Variants in SRGAP2 observed in about 807,000 individuals in gnomAD.
The protein encoded by SRGAP2 is SLIT-ROBO Rho GTPase activating protein 2.
SRGAP2 carries 15 observed loss-of-function variants against 57.2 expected under a neutral mutation model. The ratio of observed to expected loss-of-function variants is 0.26; its 90% confidence interval spans 0.18 to 0.40. The LOEUF (loss-of-function observed/expected upper bound fraction) is 0.40. Ranked by LOEUF, SRGAP2 falls within the 10% of genes least tolerant of loss-of-function variation. The pLI is 1.00. For synonymous variants in SRGAP2, 249 were observed against 248.0 expected (o/e 1.00, Z -0.04); for missense variants, 520 against 669.6 (o/e 0.78, Z 2.47).
chr1:206,417,749 T>G (rs1659866915), intron 11 of SRGAP2, among the ~76,000 whole-genome samples: 1 of 152,086 alleles, frequency 6.6e-6, no homozygotes, highest in Non-Finnish European at 1.5e-5. Flanking sequence ...ACATTTTCTT[T>G]TATGTGAAGA....
In SRGAP2 at chr1:206,374,301, C is replaced by T. The variant is rs371219504; in HGVS notation, c.424-9713C>T. On this transcript the variant is annotated intron_variant, in intron 4 of 22. Coordinates refer to ENST00000573034, the MANE Select transcript of SRGAP2 (RefSeq NM_015326.5). The stretch of plus-strand genomic sequence containing the variant: ...AAAGTGCTGGGATTACAGGCGTGAG[C>T]CACCGCGCCCGGCCAGATACACATT... Among the ~76,000 whole-genome samples, 40 of 150,794 alleles carry T rather than the reference C, an allele frequency of 2.7e-4. No homozygotes were observed. The East Asian group carries it at 5.3e-3, about 20-fold the overall frequency.
chr1:206,333,225 A>G, intron 3 of SRGAP2: 2 of 659,710 alleles, frequency 3.0e-6, no homozygotes, highest in South Asian at 1.6e-5. Flanking sequence ...TCAGATGGAA[A>G]TGCAGAAATC....
intron 2 of SRGAP2, among the ~76,000 whole-genome samples, chr1:206,262,303 GTT>G (rs200379361): frequency 7.0e-6 from 1 of 143,106 alleles, no homozygotes; most frequent in Non-Finnish European, 1.5e-5. Flanking sequence ...CAGTGTTTTT[GTT>G]TTTTTTTTTT....
At chr1:206,230,299 A>G (rs1667549331) in intron 2 of SRGAP2, among the ~76,000 whole-genome samples, 1 of 147,546 alleles carries the variant, frequency 6.8e-6, no homozygotes, top group Admixed American at 6.8e-5. Flanking sequence ...AATGCTAATA[A>G]TTAATTACGG....
At chr1:206,253,041 AT>A (rs1668933733) in intron 2 of SRGAP2, among the ~76,000 whole-genome samples, 1 of 143,976 alleles carries the variant, frequency 6.9e-6, no homozygotes, top group Non-Finnish European at 1.5e-5. Flanking sequence ...GTGTGTCAGG[AT>A]GCGGGTTTTC....
chr1:206,355,833 G>T (rs1676388985), intron 4 of SRGAP2, among the ~76,000 whole-genome samples: 1 of 152,112 alleles, frequency 6.6e-6, no homozygotes. Context: ...CAGGCATCGT[G>T]GTGTATTCCT....
chr1:206,324,898 C>T (rs1475394486), intron 3 of SRGAP2, among the ~76,000 whole-genome samples: 2 of 151,180 alleles, frequency 1.3e-5, no homozygotes, highest in African/African-American at 4.9e-5. Context: ...TATTGGGTGC[C>T]CACTGTGAAC....
chr1:206,322,163 AT>A (rs1305343137), intron 3 of SRGAP2, among the ~76,000 whole-genome samples: 2 of 150,942 alleles, frequency 1.3e-5, no homozygotes, highest in African/African-American at 4.9e-5. Flanking sequence ...CACATGTTTT[AT>A]TTAATTTTCT....
intron 4 of SRGAP2, among the ~76,000 whole-genome samples, chr1:206,345,839 G>A (rs1553336706): frequency 6.7e-6 from 1 of 149,312 alleles, no homozygotes. Context: ...TCCAGCCTGG[G>A]CAACAGAGAG....
At chr1:206,319,053 G>A (rs1558303727) in intron 3 of SRGAP2, among the ~76,000 whole-genome samples, 2 of 152,204 alleles carry the variant, frequency 1.3e-5, no homozygotes, top group East Asian at 3.9e-4. Flanking sequence ...TATTGTTATG[G>A]GCTTTGTCTT....
chr1:206,290,310 TA>T (rs1411080635), intron 2 of SRGAP2, among the ~76,000 whole-genome samples: 1 of 152,142 alleles, frequency 6.6e-6, no homozygotes, highest in Non-Finnish European at 1.5e-5. Flanking sequence ...ATCGAAAAGT[TA>T]AAGGATCAAA....
chr1:206,414,335 C>G (rs1659489381), intron 10 of SRGAP2, among the ~76,000 whole-genome samples: 1 of 152,192 alleles, frequency 6.6e-6, no homozygotes, highest in South Asian at 2.1e-4. Flanking sequence ...CTGCACCTGG[C>G]TCTGTTCACC....
chr1:206,462,968 C>CT lies in SRGAP2; in HGVS notation c.*1549dup, dbSNP rs1664354914. ...TAAAGCTGAAACTCATCCTTCTTCT[C>CT]TGTGTTTTCTGGTTTAAAAGCTGCA... On this transcript the variant is annotated 3_prime_UTR_variant, in exon 23 of 23. Coordinates refer to ENST00000573034, the MANE Select transcript of SRGAP2 (RefSeq NM_015326.5). 6.6e-6 allele frequency: 1 copy of CT among 152,174 alleles called. No individual in the cohort carries two copies. Among genetic ancestry groups the CT allele is most frequent in the South Asian group, 2.1e-4 (1 of 4,834 alleles). 9.4% of individuals were successfully genotyped at this position (152,174 alleles called of 1,614,324 possible).
chr1:206,443,884 A>C (rs561510983), intron 17 of SRGAP2, among the ~76,000 whole-genome samples: 1 of 152,284 alleles, frequency 6.6e-6, no homozygotes, highest in South Asian at 2.1e-4. Flanking sequence ...TGTGTCCCCT[A>C]AATAGTTAAG....
intron 4 of SRGAP2, among the ~76,000 whole-genome samples, chr1:206,369,841 A>G (rs1271772575): frequency 6.6e-6 from 1 of 152,154 alleles, no homozygotes; most frequent in Non-Finnish European, 1.5e-5. Context: ...TGGAAAACTG[A>G]AAATTCCTCC....
At chr1:206,337,072 C>T (rs1446036413) in intron 3 of SRGAP2, among the ~76,000 whole-genome samples, 1 of 143,344 alleles carries the variant, frequency 7.0e-6, no homozygotes, top group East Asian at 1.9e-4. Context: ...TGCAGATTGG[C>T]GGGTTTGATA....
At chr1:206,448,944 G>A (rs1012522861) in intron 18 of SRGAP2, among the ~76,000 whole-genome samples, 12 of 152,182 alleles carry the variant, frequency 7.9e-5, no homozygotes, top group African/African-American at 2.9e-4. Context: ...TACACAGGAT[G>A]AGTTCTGAAC....
chr1:206,377,481 ATT>A (rs782108315), intron 4 of SRGAP2, among the ~76,000 whole-genome samples: 9 of 98,968 alleles, frequency 9.1e-5, no homozygotes, highest in Non-Finnish European at 1.2e-4. Flanking sequence ...TTGAAATCAG[ATT>A]TTTTTTTTTT....
chr1:206,447,682 C>A (rs61817176), intron 18 of SRGAP2, among the ~76,000 whole-genome samples: 90,603 of 151,966 alleles, frequency 0.6, 28,582 homozygotes, highest in African/African-American at 0.81. Flanking sequence ...CCCTTGCATG[C>A]GTGGTGAAAA....
Sources: gnomAD v4.1 joint callset for allele counts (sites outside exome capture counted in the v4.1 genomes callset) on GRCh38, gnomAD v4.1.1 for gene constraint, MANE v1.5 for transcripts, NCBI Gene and HGNC (gene_info 2026-07-23, HGNC 2026-07-21) for gene names.